BRF1: variants seen among roughly 807,000 people sequenced by gnomAD.
BRF1 encodes the protein BRF1 general transcription factor IIIB subunit.
A neutral mutation model predicts 81.7 loss-of-function variants in BRF1; 59 were observed. The observed-to-expected ratio is 0.72, with a 90% CI of 0.59 to 0.90. The LOEUF is 0.90. Among genes scored for constraint, BRF1 ranks in the 40% least tolerant of loss-of-function variants. BRF1 has a pLI of 0.00. For synonymous variants in BRF1, 491 were observed against 395.6 expected (o/e 1.24, Z -2.86); for missense variants, 1,050 against 936.3 (o/e 1.12, Z -1.58).
chr14:105,225,833 A>G (rs1172621270), intron 10 of BRF1, among the ~76,000 whole-genome samples: 1 of 152,106 alleles, frequency 6.6e-6, no homozygotes, highest in Non-Finnish European at 1.5e-5. Context: ...TTTGTAGTAG[A>G]GACAGGGTTT....
At chr14:105,226,311 A>G in intron 8 of BRF1, 21 bp from the exon 9 acceptor site, 2 of 1,613,952 alleles carry the variant, frequency 1.2e-6, no homozygotes, top group Non-Finnish European at 1.7e-6. Context: ...ACAGGGCAAG[A>G]GGCTTCGTGA....
chr14:105,245,255 G>A (rs140736057), intron 5 of BRF1, among the ~76,000 whole-genome samples: 1,556 of 152,238 alleles, frequency 0.01, 30 homozygotes, highest in African/African-American at 0.036. Context: ...CAGCTACTCA[G>A]GAGACTGAGA....
At chr14:105,265,045 C>CTTTTTTTTTTTT (rs587772604) in intron 3 of BRF1, among the ~76,000 whole-genome samples, 1 of 135,176 alleles carries the variant, frequency 7.4e-6, no homozygotes, top group Admixed American at 7.3e-5. Context: ...TCTACTTATC[C>CTTTTTTTTTTTT]TTTTTTTTGT....
chr14:105,229,745 C>A (rs1346443758), intron 6 of BRF1, among the ~76,000 whole-genome samples: 1 of 14,568 alleles, frequency 6.9e-5, no homozygotes, highest in Non-Finnish European at 1.5e-4. Context: ...CAGCTGGGGG[C>A]GGGGGACAGC....
intron 4 of BRF1, among the ~76,000 whole-genome samples, chr14:105,253,369 C>G (rs1449697723): frequency 6.6e-6 from 1 of 152,226 alleles, no homozygotes; most frequent in Non-Finnish European, 1.5e-5. Context: ...GCCCTGCCCA[C>G]ACTTGGCTGT....
chr14:105,274,261 C>T (rs2056784455), intron 2 of BRF1, among the ~76,000 whole-genome samples: 1 of 152,158 alleles, frequency 6.6e-6, no homozygotes, highest in Admixed American at 6.5e-5. Flanking sequence ...TCTCCTGCCG[C>T]ATTCTTCTTG....
chr14:105,268,703 C>T (rs2056531879), intron 3 of BRF1, among the ~76,000 whole-genome samples: 1 of 152,212 alleles, frequency 6.6e-6, no homozygotes, highest in Non-Finnish European at 1.5e-5. Context: ...TCCTGGGGGG[C>T]CTCTCCTGGG....
At chr14:105,243,930 G>A (rs1306722407) in intron 5 of BRF1, among the ~76,000 whole-genome samples, 1 of 152,128 alleles carries the variant, frequency 6.6e-6, no homozygotes, top group African/African-American at 2.4e-5. Context: ...AACCCGGGAG[G>A]TGGAGGTTGC....
At chr14:105,219,445 G>T in intron 12 of BRF1, 1 of 1,084,538 alleles carries the variant, frequency 9.2e-7, no homozygotes, top group African/African-American at 1.6e-5. Context: ...AACCACGCAG[G>T]CCACATGTGT....
intron 1 of BRF1, among the ~76,000 whole-genome samples, chr14:105,294,050 C>T (rs2057631901): frequency 6.6e-6 from 1 of 152,168 alleles, no homozygotes; most frequent in Non-Finnish European, 1.5e-5. Flanking sequence ...AGGTTTCCAG[C>T]CCCCTGTGAT....
intron 3 of BRF1, among the ~76,000 whole-genome samples, chr14:105,256,889 G>A (rs943617647): frequency 6.6e-6 from 1 of 152,132 alleles, no homozygotes; most frequent in Admixed American, 6.5e-5. Flanking sequence ...ACACCCGCCT[G>A]CCCAGTCAGG....
intron 15 of BRF1, among the ~76,000 whole-genome samples, chr14:105,214,265 C>T (rs1244002763): frequency 6.6e-6 from 1 of 152,270 alleles, no homozygotes; most frequent in Admixed American, 6.5e-5. Context: ...ACTGGCCCCT[C>T]TGCCTGTCCC....
intron 15 of BRF1, chr14:105,213,048 G>C (rs1208368191): frequency 6.6e-6 from 1 of 152,254 alleles, no homozygotes; most frequent in African/African-American, 2.4e-5. Context: ...CTGGACACCA[G>C]GGCTCCTGGT....
At chr14:105,274,412 T>G (rs1447799584) in intron 2 of BRF1, among the ~76,000 whole-genome samples, 1 of 152,196 alleles carries the variant, frequency 6.6e-6, no homozygotes, top group Non-Finnish European at 1.5e-5. Flanking sequence ...ATTTCTTTTC[T>G]CAGTCTCTCG....
At chr14:105,219,380 C>A (rs1182088689) in intron 12 of BRF1, 148 bp from the exon 13 acceptor site, 5 of 1,459,432 alleles carry the variant, frequency 3.4e-6, no homozygotes, top group African/African-American at 2.8e-5. Flanking sequence ...TGGGCTGAGG[C>A]CTCATCGCGC....
chr14:105,303,307 G>A (rs1266803236), upstream of BRF1, among the ~76,000 whole-genome samples: 3 of 151,816 alleles, frequency 2.0e-5, no homozygotes, highest in African/African-American at 7.3e-5. Flanking sequence ...GCAGTGGTGC[G>A]ATCTTGGCTC....
chr14:105,292,506 C>A (rs2057558177), intron 1 of BRF1, among the ~76,000 whole-genome samples: 1 of 152,298 alleles, frequency 6.6e-6, no homozygotes, highest in East Asian at 1.9e-4. Flanking sequence ...AGCTACCAAA[C>A]CTGACTGGAA....
chr14:105,229,522 G>T (rs1046949829), intron 6 of BRF1, among the ~76,000 whole-genome samples: 1 of 152,232 alleles, frequency 6.6e-6, no homozygotes, highest in African/African-American at 2.4e-5. Context: ...CGGAGCTGGG[G>T]TAGTTGACCA....
intron 1 of BRF1, among the ~76,000 whole-genome samples, chr14:105,288,381 G>A (rs1238278643): frequency 6.6e-6 from 1 of 152,048 alleles, no homozygotes; most frequent in Non-Finnish European, 1.5e-5. Context: ...GAACCCAGGA[G>A]GTGGAGGTTG....
Sources: allele counts gnomAD v4.1 joint callset (sites outside exome capture counted in the v4.1 genomes callset), GRCh38; gene constraint gnomAD v4.1.1; transcripts MANE v1.5; gene names NCBI Gene and HGNC (gene_info 2026-07-23, HGNC 2026-07-21).